XIRP2: variants seen among roughly 807,000 people sequenced by gnomAD.
The protein encoded by XIRP2 is xin actin-binding repeat-containing protein 2.
In XIRP2, 236 loss-of-function variants were observed where a neutral mutation model predicts 277.0. The ratio of observed to expected loss-of-function variants is 0.85; its 90% CI spans 0.77 to 0.95. XIRP2 has a LOEUF of 0.95. Among genes scored for constraint, XIRP2 ranks in the 40% least tolerant of loss-of-function variants. The pLI, the probability that XIRP2 is intolerant of heterozygous loss-of-function variation, is 0.00. For synonymous variants in XIRP2, 1,490 were observed against 1,416.5 expected, an observed-to-expected ratio of 1.05 and a Z score of -1.17; for missense variants, 4,640 against 4,157.5, an observed-to-expected ratio of 1.12 and a Z score of -3.19.
At chr2:166,892,040 G>A (rs1684118505) in intron 1 of XIRP2, among the ~76,000 whole-genome samples, 1 of 151,904 alleles carries the variant, frequency 6.6e-6, no homozygotes, top group African/African-American at 2.4e-5. Flanking sequence ...CATCTTATTG[G>A]GATCATTAAC....
intron 2 of XIRP2, among the ~76,000 whole-genome samples, chr2:167,062,085 A>C (rs2105240907): frequency 6.6e-6 from 1 of 152,216 alleles, no homozygotes; most frequent in South Asian, 2.1e-4. Flanking sequence ...TGGGAGGATT[A>C]TTTATTTTTA....
rs749616162 is a variant in XIRP2, at chr2:167,179,381, C to T, written c.563-31354C>T. 7.4e-5 allele frequency among the ~76,000 whole-genome samples: 11 copies of T among 148,518 alleles called. 1 individual carries two copies. Among genetic ancestry groups the T allele is most frequent in the South Asian group, 2.1e-4 (1 of 4,692 alleles). ...TGTTGCCCAGGCTGGAGTGCAATGG[C>T]GCCATCTCGGCTCACTGCAACCTCC... On this transcript the variant is annotated intron_variant, in intron 3 of 10. Coordinates refer to ENST00000409195, the MANE Select transcript of XIRP2 (RefSeq NM_152381.6).
At chr2:167,085,605 T>G (rs1689913843) in intron 2 of XIRP2, among the ~76,000 whole-genome samples, 2 of 152,150 alleles carry the variant, frequency 1.3e-5, no homozygotes, top group African/African-American at 2.4e-5. Flanking sequence ...ACTCAGGACT[T>G]GCTTTATGAA....
intron 2 of XIRP2, among the ~76,000 whole-genome samples, chr2:166,996,547 AC>A (rs1007639086): frequency 2.0e-5 from 3 of 151,974 alleles, no homozygotes; most frequent in African/African-American, 7.3e-5. Context: ...GAATTGCTTG[AC>A]CCCAGGAGGC....
At chr2:167,068,197 A>G (rs2105247374) in intron 2 of XIRP2, among the ~76,000 whole-genome samples, 1 of 152,318 alleles carries the variant, frequency 6.6e-6, no homozygotes, top group South Asian at 2.1e-4. Context: ...AAATTTCTTA[A>G]TACAGATATT....
chr2:167,248,121 G>A lies in XIRP2; in HGVS notation c.6729G>A (p.Glu2243=), dbSNP rs1216061052. 6.2e-7 allele frequency: 1 copy of A among 1,613,192 alleles called. No individual in the cohort carries two copies. The highest frequency in any genetic ancestry group is 8.5e-7 in the Non-Finnish European group (1 of 1,179,746). ...NTFKATNKKR[E]TDVHLKSQDF... is the part of the protein sequence containing the mutation. ...TTAAGGCAACCAACAAAAAGCGGGA[G>A]ACTGATGTTCACTTGAAAAGCCAGG... is the stretch of plus-strand genomic sequence containing the variant. The change falls in exon 9 of 11, where the codon GAG becomes GAA. Residue 2243 remains glutamate, a synonymous_variant. Coordinates refer to ENST00000409195, the MANE Select transcript of XIRP2 (RefSeq NM_152381.6).
In XIRP2 at chr2:167,257,953, A is replaced by G. The variant is rs750437976; in HGVS notation, c.*136A>G. On this transcript the variant is annotated 3_prime_UTR_variant, in exon 11 of 11. Coordinates refer to ENST00000409195, the MANE Select transcript of XIRP2 (RefSeq NM_152381.6). ...AAGGAAATTATGATGAAGGTTTTGG[A>G]CATAAGCAGCATAAAGATAGATGGA... The G allele has an allele frequency of 6.2e-7, 1 of 1,613,070 alleles. No homozygotes were observed. Among genetic ancestry groups the G allele is most frequent in the Admixed American group, 1.7e-5 (1 of 59,862 alleles).
intron 2 of XIRP2, among the ~76,000 whole-genome samples, chr2:167,008,081 C>G (rs560095374): frequency 1.3e-4 from 19 of 151,594 alleles, no homozygotes; most frequent in Admixed American, 9.9e-4. Flanking sequence ...CTCCATGAAG[C>G]CAGGAGCCAT....
intron 2 of XIRP2, among the ~76,000 whole-genome samples, chr2:166,956,318 A>G (rs1385029021): frequency 1.3e-5 from 2 of 151,890 alleles, no homozygotes; most frequent in Non-Finnish European, 2.9e-5. Context: ...TTAATGAGAT[A>G]ACTCATTGCT....
intron 2 of XIRP2, among the ~76,000 whole-genome samples, chr2:166,971,734 T>C (rs1235577204): frequency 6.6e-6 from 1 of 152,058 alleles, no homozygotes; most frequent in Non-Finnish European, 1.5e-5. Flanking sequence ...ATGAAAAATA[T>C]TTTGTAGGTA....
At chr2:167,194,738 C>T (rs1693450214) in intron 3 of XIRP2, among the ~76,000 whole-genome samples, 1 of 152,094 alleles carries the variant, frequency 6.6e-6, no homozygotes, top group African/African-American at 2.4e-5. Flanking sequence ...ACTGATTGAC[C>T]TTGGGCAAAT....
intron 2 of XIRP2, among the ~76,000 whole-genome samples, chr2:166,912,428 A>G (rs973252582): frequency 6.6e-6 from 1 of 152,150 alleles, no homozygotes; most frequent in Non-Finnish European, 1.5e-5. Context: ...CATTCGTCAC[A>G]TAGTTCTCGT....
In XIRP2 at chr2:167,184,521, C is replaced by T. The variant is rs552492416; in HGVS notation, c.563-26214C>T. 5.6e-5 allele frequency: 40 copies of T among 712,728 alleles called. No homozygotes were observed. The South Asian group carries it at 5.7e-4, about 10-fold the overall frequency. The allele number at this position is 712,728 out of a possible 1,614,324, so 44.2% of individuals were successfully genotyped here. A position where few individuals can be genotyped will look rare whatever the true frequency, so the allele number is the denominator to read the frequency against. ...TCCCATGGAATTGCCAAAGGTTCTGCTGTTTTTCTGTTTCCAGCAGCAGTG... is the reference window on the plus strand; with the variant it reads ...TCCCATGGAATTGCCAAAGGTTCTGTTGTTTTTCTGTTTCCAGCAGCAGTG... On this transcript the variant is annotated intron_variant, in intron 3 of 10. Transcript: ENST00000409195.
intron 2 of XIRP2, among the ~76,000 whole-genome samples, chr2:167,054,203 T>C (rs530592665): frequency 1.3e-5 from 2 of 152,330 alleles, no homozygotes; most frequent in South Asian, 2.1e-4. Flanking sequence ...AAAATGCACA[T>C]TGAACTATCC....
At chr2:167,223,090 A>T (rs1694478674) in intron 5 of XIRP2, among the ~76,000 whole-genome samples, 1 of 152,046 alleles carries the variant, frequency 6.6e-6, no homozygotes, top group Non-Finnish European at 1.5e-5. Context: ...TTAGGATTTG[A>T]CTTTCATCTT....
intron 4 of XIRP2, 104 bp from the exon 5 acceptor site, chr2:167,218,062 A>T: frequency 3.1e-6 from 3 of 983,054 alleles, no homozygotes; most frequent in South Asian, 3.4e-5. Context: ...ATATCTTTTT[A>T]AGATACTGTC....
chr2:167,249,288 A>G lies in XIRP2; in HGVS notation c.7896A>G (p.Thr2632=). 1 of 1,613,804 alleles carries G rather than the reference A, an allele frequency of 6.2e-7. No homozygotes were observed. Among genetic ancestry groups the G allele is most frequent in the Non-Finnish European group, 8.5e-7 (1 of 1,179,770 alleles). The part of the protein sequence containing the change: ...GVCSDNQLST[T]SPETVAAKRL... Reference sequence around the variant, plus strand: ...GTTCTGATAACCAACTCTCCACAACATCGCCAGAAACAGTCGCTGCCAAGA... The same window carrying G: ...GTTCTGATAACCAACTCTCCACAACGTCGCCAGAAACAGTCGCTGCCAAGA... The change falls in exon 9 of 11, where the codon ACA becomes ACG. Residue 2632 remains threonine, a synonymous_variant. Transcript: ENST00000409195.
intron 3 of XIRP2, among the ~76,000 whole-genome samples, chr2:167,154,056 C>G (rs1216517351): frequency 1.3e-5 from 2 of 149,454 alleles, no homozygotes; most frequent in Non-Finnish European, 3.0e-5. Flanking sequence ...TTCTCCACAT[C>G]CTCTCCAGCA....
chr2:167,027,191 C>A (rs1271260295), intron 2 of XIRP2, among the ~76,000 whole-genome samples: 1 of 152,088 alleles, frequency 6.6e-6, no homozygotes, highest in East Asian at 1.9e-4. Flanking sequence ...TTCTTGGAGG[C>A]TTTGTTCATT....
Sources: allele counts gnomAD v4.1 joint callset (sites outside exome capture counted in the v4.1 genomes callset), GRCh38; gene constraint gnomAD v4.1.1; transcripts MANE v1.5; gene names NCBI Gene and HGNC (gene_info 2026-07-23, HGNC 2026-07-21).